AADACL3: variants seen among roughly 807,000 people sequenced by gnomAD.
AADACL3 encodes arylacetamide deacetylase-like 3.
Under a neutral mutation model 13.6 loss-of-function variants are expected in AADACL3, and 13 were observed. That is an observed-to-expected ratio of 0.95 (90% CI 0.62 to 1.52). AADACL3 has a LOEUF of 1.52. AADACL3 is among the 40% of genes most tolerant of loss of function. The pLI is 0.00. For synonymous variants in AADACL3, 195 were observed against 197.0 expected, an observed-to-expected ratio of 0.99 and a Z score of 0.08; for missense variants, 519 against 499.2, an observed-to-expected ratio of 1.04 and a Z score of -0.38.
chr1:12,719,672 G>T lies in AADACL3; in HGVS notation c.366G>T (p.Gly122=). 6.2e-7 allele frequency: 1 copy of T among 1,614,016 alleles called. No homozygotes were observed. Among genetic ancestry groups the T allele is most frequent in the African/African-American group, 1.3e-5 (1 of 75,012 alleles). The part of the protein sequence containing the change: ...KPGIVYYHGG[G]GVMGSLKTHH... ...GCATCGTGTACTACCACGGTGGCGG[G>T]GGCGTCATGGGGAGTTTGAGTAAGA... Residue 122 remains glycine, a synonymous_variant, in exon 2 of 4, where the codon GGG becomes GGT. Transcript: ENST00000359318.
At position 12,726,356 on chromosome 1, in the gene AADACL3, C is replaced by G. The variant is rs4240904; in HGVS notation, c.*360C>G. ...ATTGATCCAGACTGTGTGTGACTTT[C>G]GTCCATTTGACTTGACTTTGGAATA... On this transcript the variant is annotated 3_prime_UTR_variant, in exon 4 of 4. Transcript: ENST00000359318. 132 of 220,198 alleles carry G rather than the reference C, an allele frequency of 6.0e-4. 1 individual carries two copies. Among genetic ancestry groups the G allele is most frequent in the African/African-American group, 2.6e-3 (113 of 43,826 alleles). 13.6% of individuals were successfully genotyped at this position (220,198 alleles called of 1,614,324 possible).
At chr1:12,722,612 G>C (rs910214405) in intron 3 of AADACL3, among the ~76,000 whole-genome samples, 4 of 151,932 alleles carry the variant, frequency 2.6e-5, no homozygotes, top group Admixed American at 6.6e-5. Flanking sequence ...CGGGTGGCCT[G>C]AAATGGGGGT....
rs764658253 is a variant in AADACL3, at chr1:12,725,690, C to A, written c.918C>A (p.Pro306=). Residue 306 remains proline, a synonymous_variant, in exon 4 of 4, where the codon CCC becomes CCA. Coordinates refer to ENST00000359318, the MANE Select transcript of AADACL3 (RefSeq NM_001103170.3). ...GTTACCAACTGAAGCCCCATGAGCC[C>A]ATGAATGAAGCTGCTTACTTGGAAG... is the stretch of plus-strand genomic sequence containing the variant. ...ERGYQLKPHE[P]MNEAAYLEVS... is the part of the protein sequence containing the mutation. 9 of 1,614,110 alleles carry A rather than the reference C, an allele frequency of 5.6e-6. No individual in the cohort carries two copies. The highest frequency in any genetic ancestry group is 5.3e-5 in the African/African-American group (4 of 75,002).
intron 2 of AADACL3, 74 bp downstream of exon 2, chr1:12,719,765 C>T (rs1206846087): frequency 1.4e-6 from 2 of 1,433,002 alleles, no homozygotes; most frequent in Admixed American, 1.8e-5. Context: ...TGGGCATCTT[C>T]CTGGGACTTA....
At position 12,725,519 on chromosome 1, in the gene AADACL3, C is replaced by T; in HGVS notation, c.747C>T (p.Ile249=). 6.2e-7 allele frequency: 1 copy of T among 1,614,172 alleles called. No homozygotes were observed. The highest frequency in any genetic ancestry group is 8.5e-7 in the Non-Finnish European group (1 of 1,180,042). ...TCCCACTGCTCACCTGGAGTTTCAT[C>T]TGCTACTTTTTTTTTCAAAACCTGG... The part of the protein sequence containing the change: ...KNIPLLTWSF[I]CYFFFQNLDF... The change falls in exon 4 of 4, where the codon ATC becomes ATT. Residue 249 remains isoleucine, a synonymous_variant. Coordinates refer to ENST00000359318, the MANE Select transcript of AADACL3 (RefSeq NM_001103170.3).
At chr1:12,725,091 T>G (rs1638337653) in intron 3 of AADACL3, 131 bp from the exon 4 acceptor site, 1 of 986,096 alleles carries the variant, frequency 1.0e-6, no homozygotes, top group African/African-American at 1.6e-5. Flanking sequence ...CATTTAAGCC[T>G]CACACCTAAC....
intron 3 of AADACL3, 76 bp from the exon 4 acceptor site, chr1:12,725,146 G>T: frequency 1.4e-6 from 2 of 1,446,348 alleles, no homozygotes; most frequent in Non-Finnish European, 1.9e-6. Context: ...GGACTAATTT[G>T]GGCTAAAAGA....
chr1:12,716,392 G>A, intron 1 of AADACL3, 48 bp downstream of exon 1: 1 of 1,613,344 alleles, frequency 6.2e-7, no homozygotes, highest in Non-Finnish European at 8.5e-7. Flanking sequence ...ATTAAGGAAG[G>A]CGGCAGGAAA....
intron 3 of AADACL3, among the ~76,000 whole-genome samples, chr1:12,722,152 C>G (rs914810622): frequency 1.3e-5 from 2 of 151,960 alleles, no homozygotes; most frequent in African/African-American, 4.8e-5. Flanking sequence ...CACGGTGAAA[C>G]CTTGTCTCTA....
intron 1 of AADACL3, 43 bp from the exon 2 acceptor site, chr1:12,719,432 G>A (rs749701061): frequency 1.3e-6 from 2 of 1,583,594 alleles, no homozygotes; most frequent in Non-Finnish European, 8.7e-7. Flanking sequence ...GATGGCCTGT[G>A]AAGAAACCCA....
chr1:12,719,128 C>A (rs922454284), intron 1 of AADACL3, among the ~76,000 whole-genome samples: 2 of 152,166 alleles, frequency 1.3e-5, no homozygotes, highest in East Asian at 3.9e-4. Context: ...ACAGATGTTG[C>A]GCCCAGGCTG....
chr1:12,716,329 G>A lies in AADACL3; in HGVS notation c.153G>A (p.Gln51=). 1 of 1,614,204 alleles carries A rather than the reference G, an allele frequency of 6.2e-7. No homozygotes were observed. The highest frequency in any genetic ancestry group is 8.5e-7 in the Non-Finnish European group (1 of 1,180,042). ...VKLRVLHCIF[Q]LLLTWGMIFE... ...TGAGAGTCCTCCATTGCATCTTCCA[G>A]CTGCTGTTGACTTGGGTGAGTTTTG... Residue 51 remains glutamine, a synonymous_variant, in exon 1 of 4, where the codon CAG becomes CAA. Transcript: ENST00000359318.
intron 2 of AADACL3, among the ~76,000 whole-genome samples, chr1:12,720,484 T>G (rs569895766): frequency 6.6e-6 from 1 of 152,276 alleles, no homozygotes; most frequent in South Asian, 2.1e-4. Flanking sequence ...GAGTTAGATA[T>G]TTTCATTACC....
chr1:12,725,998 C>T lies in AADACL3; in HGVS notation c.*2C>T. The T allele has an allele frequency of 3.7e-6, 6 of 1,604,094 alleles. No homozygotes were observed. The highest frequency in any genetic ancestry group is 5.1e-6 in the Non-Finnish European group (6 of 1,174,678). ...GTTCAATTTGTAAAGGGACTGTGAC[C>T]ATCTTTCTTCTCTGCTGGTACTGCG... On this transcript the variant is annotated 3_prime_UTR_variant, in exon 4 of 4. Coordinates refer to ENST00000359318, the MANE Select transcript of AADACL3 (RefSeq NM_001103170.3).
At chr1:12,721,010 TGAG>T (rs1638247409) in intron 3 of AADACL3, 64 bp downstream of exon 3, 2 of 475,714 alleles carry the variant, frequency 4.2e-6, no homozygotes, top group Non-Finnish European at 6.6e-6. Flanking sequence ...AGAGATGGGG[TGAG>T]AAGTAGAAAT....
In AADACL3 at chr1:12,725,551, GCTC is replaced by G. The variant is rs1243971748; in HGVS notation, c.785_787del (p.Ser262del). ...TTTTTTTTTCAAAACCTGGATTTCA[GCTC>G]CTCCTGGCAAGAGGTCATCATGAAA... On this transcript the variant is annotated inframe_deletion, in exon 4 of 4. Coordinates refer to ENST00000359318, the MANE Select transcript of AADACL3 (RefSeq NM_001103170.3). 6.2e-7 allele frequency: 1 copy of G among 1,613,962 alleles called. No homozygotes were observed. The highest frequency in any genetic ancestry group is 1.7e-5 in the Admixed American group (1 of 59,994).
chr1:12,728,671 T>A lies in AADACL3; in HGVS notation c.*2675T>A, dbSNP rs1308919901. On this transcript the variant is annotated 3_prime_UTR_variant, in exon 4 of 4. Transcript: ENST00000359318. ...TCGTAATCTTTTTGCTGGTTGATGG[T>A]CTTGCCTTGATGTTGATGCTGCAGG... 2 of 152,328 alleles carry A rather than the reference T, an allele frequency of 1.3e-5. No individual in the cohort carries two copies. Among genetic ancestry groups the A allele is most frequent in the African/African-American group, 2.4e-5 (1 of 41,454 alleles). 9.4% of individuals were successfully genotyped at this position (152,328 alleles called of 1,614,324 possible). A position where few individuals can be genotyped will look rare whatever the true frequency, so the allele number is the denominator to read the frequency against.
At chr1:12,725,156 A>T in intron 3 of AADACL3, 66 bp from the exon 4 acceptor site, 1 of 1,497,086 alleles carries the variant, frequency 6.7e-7, no homozygotes, top group Non-Finnish European at 9.0e-7. Context: ...GGGCTAAAAG[A>T]TGCTAGACGC....
chr1:12,718,998 A>G (rs1381226246), intron 1 of AADACL3, among the ~76,000 whole-genome samples: 1 of 152,172 alleles, frequency 6.6e-6, no homozygotes, highest in Non-Finnish European at 1.5e-5. Flanking sequence ...TTCAGTAGGC[A>G]TTTTCAAAAG....
Sources: gnomAD v4.1 joint callset for allele counts (sites outside exome capture counted in the v4.1 genomes callset) on GRCh38, gnomAD v4.1.1 for gene constraint, MANE v1.5 for transcripts, NCBI Gene and HGNC (gene_info 2026-07-23, HGNC 2026-07-21) for gene names.